Variants in NAA16 observed in about 807,000 individuals in gnomAD.
NAA16 encodes the protein N-alpha-acetyltransferase 16, NatA auxiliary subunit.
Under a neutral mutation model 110.3 loss-of-function variants are expected in NAA16, and 97 were observed. The observed-to-expected ratio is 0.88, with a 90% confidence interval of 0.75 to 1.04. The LOEUF is 1.04. NAA16 is among the 50% of genes least tolerant of loss of function. The pLI, the probability that NAA16 is intolerant of heterozygous loss-of-function variation, is 0.00. For missense variants in NAA16, 1,017 were observed against 1,005.1 expected (o/e 1.01, Z -0.16); for synonymous variants, 372 against 330.6 (o/e 1.13, Z -1.36).
intron 8 of NAA16, among the ~76,000 whole-genome samples, chr13:41,333,505 A>G (rs1230667929): frequency 6.6e-6 from 1 of 152,142 alleles, no homozygotes; most frequent in Non-Finnish European, 1.5e-5. Flanking sequence ...GACATTTGAA[A>G]TAAATGGAAT....
At chr13:41,334,732 CAGTTGCAAAT>C (rs2042331973) in intron 8 of NAA16, among the ~76,000 whole-genome samples, 1 of 152,160 alleles carries the variant, frequency 6.6e-6, no homozygotes, top group African/African-American at 2.4e-5. Context: ...TGTATTCACA[CAGTTGCAAAT>C]TAGGTAAAAA....
chr13:41,373,838 C>A, intron 18 of NAA16, 58 bp downstream of exon 18: 1 of 1,526,614 alleles, frequency 6.6e-7, no homozygotes, highest in South Asian at 1.3e-5. Context: ...AAAGAGAAAG[C>A]TTTGACACCC....
At chr13:41,348,919 G>A (rs1267938144) in intron 9 of NAA16, among the ~76,000 whole-genome samples, 1 of 152,138 alleles carries the variant, frequency 6.6e-6, no homozygotes, top group Non-Finnish European at 1.5e-5. Flanking sequence ...ATGTTATACA[G>A]CATTGGCATA....
Position 41,311,346 on chromosome 13 carries a change from C to T in NAA16, c.-183C>T. On this transcript the variant is annotated 5_prime_UTR_variant, in exon 1 of 20. Transcript: ENST00000379406. ...AAGCGTGTCCTGCTCAGACCGCCTT[C>T]CTTCTCCATTGCCACCCGTGCCGAA... 1.6e-6 allele frequency: 1 copy of T among 608,260 alleles called. No individual in the cohort carries two copies. The highest frequency in any genetic ancestry group is 2.0e-5 in the South Asian group (1 of 50,512). The allele number at this position is 608,260 out of a possible 1,614,324, so 37.7% of individuals were successfully genotyped here.
chr13:41,373,509 C>CA, intron 17 of NAA16, 128 bp from the exon 18 acceptor site: 1 of 1,106,612 alleles, frequency 9.0e-7, no homozygotes, highest in Non-Finnish European at 1.2e-6. Flanking sequence ...CTGCCTGCCT[C>CA]AGCCTCCCAA....
At chr13:41,353,608 A>G (rs1419944124) in intron 9 of NAA16, among the ~76,000 whole-genome samples, 1 of 152,008 alleles carries the variant, frequency 6.6e-6, no homozygotes, top group Non-Finnish European at 1.5e-5. Context: ...CTTAAAAAAA[A>G]AAAAAAAAAT....
At chr13:41,371,616 T>C (rs2043319603) in intron 15 of NAA16, among the ~76,000 whole-genome samples, 1 of 152,166 alleles carries the variant, frequency 6.6e-6, no homozygotes, top group Admixed American at 6.6e-5. Flanking sequence ...TAGCTTACTT[T>C]ATTATAAGAA....
intron 11 of NAA16, 141 bp from the exon 12 acceptor site, chr13:41,358,669 G>A: frequency 7.0e-7 from 1 of 1,432,804 alleles, no homozygotes; most frequent in Non-Finnish European, 9.2e-7. Context: ...CTTAGTAAAT[G>A]TGAACTGTAA....
intron 9 of NAA16, among the ~76,000 whole-genome samples, chr13:41,342,723 A>G (rs939021834): frequency 2.0e-5 from 3 of 152,188 alleles, no homozygotes; most frequent in African/African-American, 7.2e-5. Context: ...TAACGCCCAT[A>G]GATAAGTTGT....
In NAA16 at chr13:41,362,155, A is replaced by G. The variant is rs751729040; in HGVS notation, c.1535A>G (p.Glu512Gly). Reference sequence around the variant, plus strand: ...GCCTTGAAAAAATGTCATGAAGTAGAAAGGGTAAGTTGTTAGAATTTCGAC... The same window carrying G: ...GCCTTGAAAAAATGTCATGAAGTAGGAAGGGTAAGTTGTTAGAATTTCGAC... ...GDALKKCHEV[E>G]RHFFEITDDQ... Residue 512 changes from glutamate to glycine, a missense_variant, in exon 13 of 20, where the codon GAA (glutamate) becomes GGA (glycine). Coordinates refer to ENST00000379406, the MANE Select transcript of NAA16 (RefSeq NM_024561.5). 1 of 1,601,606 alleles carries G rather than the reference A, an allele frequency of 6.2e-7. No homozygotes were observed. The highest frequency in any genetic ancestry group is 8.5e-7 in the Non-Finnish European group (1 of 1,175,822).
rs1377614817 is a variant in NAA16, at chr13:41,311,283, G to A, written c.-246G>A. The A allele has an allele frequency of 3.2e-5, 15 of 472,386 alleles. No individual in the cohort carries two copies. Among genetic ancestry groups the A allele is most frequent in the Admixed American group, 8.1e-5 (2 of 24,584 alleles). The allele number at this position is 472,386 out of a possible 1,614,324, so 29.3% of individuals were successfully genotyped here. The stretch of plus-strand genomic sequence containing the variant: ...TGCCATCTTGCAGTGCGCGGGAACC[G>A]CCGCCGCCGCCGCTGGCCAAAAAGC... On this transcript the variant is annotated 5_prime_UTR_variant, in exon 1 of 20. Transcript: ENST00000379406.
chr13:41,333,654 A>G (rs1302787797), intron 8 of NAA16, among the ~76,000 whole-genome samples: 1 of 152,128 alleles, frequency 6.6e-6, no homozygotes, highest in Non-Finnish European at 1.5e-5. Flanking sequence ...CTTCTTAGGA[A>G]AGAAAGAAAC....
intron 4 of NAA16, among the ~76,000 whole-genome samples, chr13:41,322,703 T>C (rs569493956): frequency 3.3e-5 from 5 of 152,104 alleles, no homozygotes; most frequent in Admixed American, 6.5e-5. Context: ...GTAATTCATA[T>C]AATAGTTTTA....
At position 41,375,563 on chromosome 13, in the gene NAA16, C is replaced by A; in HGVS notation, c.2556C>A (p.Asn852Lys). Reference sequence around the variant, plus strand: ...TCGACAATCCTAATGTGGCACTGAACCATACAGCTAATTATGATGTCTTGG... The same window carrying A: ...TCGACAATCCTAATGTGGCACTGAAACATACAGCTAATTATGATGTCTTGG... ...NEVDNPNVAL[N>K]HTANYDVLAN... is the part of the protein sequence containing the mutation. Residue 852 changes from asparagine to lysine, a missense_variant, in exon 20 of 20, where the codon AAC becomes AAA. Physicochemically the swap from Asn to Lys is moderately conservative, Grantham distance 94. Coordinates refer to ENST00000379406, the MANE Select transcript of NAA16 (RefSeq NM_024561.5). The A allele has an allele frequency of 6.2e-7, 1 of 1,613,962 alleles. No homozygotes were observed.
chr13:41,370,232 A>G lies in NAA16; in HGVS notation c.1947+949A>G, dbSNP rs148227887. ...GATGTTTGGGTTAAAAAATGTCCAGATAACAGAAGAATTAACTTCTCACCA... is the reference window on the plus strand; with the variant it reads ...GATGTTTGGGTTAAAAAATGTCCAGGTAACAGAAGAATTAACTTCTCACCA... On this transcript the variant is annotated intron_variant, in intron 15 of 19. Transcript: ENST00000379406. 5.9e-5 allele frequency among the ~76,000 whole-genome samples: 9 copies of G among 152,370 alleles called. No homozygotes were observed. The East Asian group carries it at 1.7e-3, about 29-fold the overall frequency.
At chr13:41,355,340 G>C in intron 10 of NAA16, 124 bp downstream of exon 10, 1 of 591,306 alleles carries the variant, frequency 1.7e-6, no homozygotes, top group Non-Finnish European at 2.9e-6. Context: ...CTTTCAAATT[G>C]GTGAATGAAA....
chr13:41,321,204 A>C (rs886221549), intron 4 of NAA16, among the ~76,000 whole-genome samples: 1 of 152,208 alleles, frequency 6.6e-6, no homozygotes, highest in Non-Finnish European at 1.5e-5. Flanking sequence ...ATGTTGAGGC[A>C]GGAGGATCCC....
At chr13:41,337,172 GT>G (rs1182071426) in intron 9 of NAA16, among the ~76,000 whole-genome samples, 1 of 152,110 alleles carries the variant, frequency 6.6e-6, no homozygotes, top group Non-Finnish European at 1.5e-5. Flanking sequence ...AAATTACTAG[GT>G]TTAATCAGTA....
chr13:41,350,620 GT>G (rs1447155454), intron 9 of NAA16, among the ~76,000 whole-genome samples: 2 of 3,260 alleles, frequency 6.1e-4, no homozygotes, highest in African/African-American at 8.2e-4. Flanking sequence ...TTTTTTTTTT[GT>G]TTGTTTGTTT....
Sources: gnomAD v4.1 joint callset for allele counts (sites outside exome capture counted in the v4.1 genomes callset) on GRCh38, gnomAD v4.1.1 for gene constraint, MANE v1.5 for transcripts, NCBI Gene and HGNC (gene_info 2026-07-23, HGNC 2026-07-21) for gene names.